The following IQCM variants were observed in gnomAD, a reference collection of about 807,000 sequenced individuals.
IQCM encodes the protein IQ motif containing M.
In IQCM, 45 loss-of-function variants were observed where a neutral mutation model predicts 57.6. That is an observed-to-expected ratio of 0.78 (90% CI 0.62 to 1.00). The LOEUF (loss-of-function observed/expected upper bound fraction) is 1.00. IQCM is among the 50% of genes least tolerant of loss of function. The probability of loss-of-function intolerance (pLI) is 0.00; values close to 1 mark genes in which losing one functional copy is unlikely to be tolerated. For missense variants in IQCM, 468 were observed against 511.6 expected, an observed-to-expected ratio of 0.91 and a Z score of 0.82; for synonymous variants, 148 against 158.9, an observed-to-expected ratio of 0.93 and a Z score of 0.51.
chr4:149,655,484 C>A (rs1261904228), intron 7 of IQCM, among the ~76,000 whole-genome samples: 10 of 151,950 alleles, frequency 6.6e-5, no homozygotes, highest in African/African-American at 2.4e-4. Context: ...GAAGATCAGG[C>A]AAGATGTGTT....
At chr4:149,699,330 A>C (rs1763581387) in intron 5 of IQCM, among the ~76,000 whole-genome samples, 1 of 152,106 alleles carries the variant, frequency 6.6e-6, no homozygotes, top group Non-Finnish European at 1.5e-5. Context: ...AATACCAATT[A>C]TCTACTAGTG....
intron 3 of IQCM, among the ~76,000 whole-genome samples, chr4:149,735,826 A>T (rs999691572): frequency 1.3e-5 from 2 of 152,202 alleles, no homozygotes; most frequent in African/African-American, 4.8e-5. Context: ...TTACCTTCCA[A>T]CTTGTTGATA....
intron 12 of IQCM, among the ~76,000 whole-genome samples, chr4:149,529,374 C>T (rs966420049): frequency 1.3e-5 from 2 of 152,172 alleles, no homozygotes; most frequent in Admixed American, 1.3e-4. Context: ...CAGAAGAATA[C>T]GTTTTAAAAG....
At chr4:149,377,146 G>A (rs924198366) in intron 13 of IQCM, among the ~76,000 whole-genome samples, 1 of 151,818 alleles carries the variant, frequency 6.6e-6, no homozygotes, top group African/African-American at 2.4e-5. Flanking sequence ...TCCATCTAAC[G>A]AAAAAGTATA....
chr4:149,440,638 G>C (rs1383747908), intron 12 of IQCM, among the ~76,000 whole-genome samples: 1 of 151,986 alleles, frequency 6.6e-6, no homozygotes, highest in Non-Finnish European at 1.5e-5. Context: ...CCTCTTTCTA[G>C]ATTCAAGAGG....
intron 2 of IQCM, among the ~76,000 whole-genome samples, chr4:149,811,838 C>G (rs183314393): frequency 6.6e-6 from 1 of 152,296 alleles, no homozygotes; most frequent in Non-Finnish European, 1.5e-5. Context: ...GATTAACAGA[C>G]TACTTAACCC....
At chr4:149,675,092 G>T (rs993990705) in intron 7 of IQCM, among the ~76,000 whole-genome samples, 10 of 152,032 alleles carry the variant, frequency 6.6e-5, no homozygotes, top group African/African-American at 2.4e-4. Flanking sequence ...AAAATCATGG[G>T]AGGAAAAGAG....
At chr4:149,497,547 A>C (rs1200107358) in intron 12 of IQCM, among the ~76,000 whole-genome samples, 1 of 152,090 alleles carries the variant, frequency 6.6e-6, no homozygotes, top group African/African-American at 2.4e-5. Flanking sequence ...AAACCATCAG[A>C]TCTCATAAAA....
At chr4:149,590,925 T>C (rs1753098578) in intron 8 of IQCM, among the ~76,000 whole-genome samples, 1 of 152,104 alleles carries the variant, frequency 6.6e-6, no homozygotes, top group African/African-American at 2.4e-5. Context: ...TGTGCATGTG[T>C]CTTTACAGTA....
intron 2 of IQCM, among the ~76,000 whole-genome samples, chr4:149,788,012 A>G (rs1772225208): frequency 6.6e-6 from 1 of 152,232 alleles, no homozygotes; most frequent in Non-Finnish European, 1.5e-5. Flanking sequence ...AAAGTTGGCA[A>G]AGGACGTGAA....
intron 13 of IQCM, among the ~76,000 whole-genome samples, chr4:149,370,052 C>A (rs72953662): frequency 3.3e-5 from 5 of 152,012 alleles, no homozygotes; most frequent in Admixed American, 1.3e-4. Flanking sequence ...GGGGCCACCA[C>A]GTCTGGCAAT....
chr4:149,672,796 G>T (rs370644855), intron 7 of IQCM, among the ~76,000 whole-genome samples: 3 of 151,998 alleles, frequency 2.0e-5, no homozygotes, highest in South Asian at 2.1e-4. Flanking sequence ...GATACTCCTC[G>T]AGAAGAGCAA....
Position 149,565,267 on chromosome 4 carries a change from C to A in IQCM, c.750-1377G>T, listed in dbSNP as rs1017724855. Among the ~76,000 whole-genome samples the A allele has an allele frequency of 3.3e-5, 5 of 152,126 alleles. No individual in the cohort carries two copies. The East Asian group carries it at 9.7e-4, about 29-fold the overall frequency. On this transcript the variant is annotated intron_variant, in intron 9 of 13. Coordinates refer to ENST00000636793, the MANE Select transcript of IQCM (RefSeq NM_001363507.2). ...CATTCACTCTGTTTTTGCATATTTT[C>A]TTAGTCTGTTTTATTTAATTTTTAT...
chr4:149,757,741 ATGTGTG>A (rs3085133), intron 2 of IQCM, among the ~76,000 whole-genome samples: 2 of 150,400 alleles, frequency 1.3e-5, no homozygotes, highest in African/African-American at 4.9e-5. Context: ...GATATTATAT[ATGTGTG>A]TGTGTGTGTG....
chr4:149,651,166 A>C (rs1349104085), intron 7 of IQCM, among the ~76,000 whole-genome samples: 1 of 152,190 alleles, frequency 6.6e-6, no homozygotes, highest in Non-Finnish European at 1.5e-5. Context: ...CTGAGACAAC[A>C]GAAAATTGCT....
rs145816274 is a variant in IQCM, at chr4:149,729,068, T to G, written c.385+4176A>C. On this transcript the variant is annotated intron_variant, in intron 5 of 13. Coordinates refer to ENST00000636793, the MANE Select transcript of IQCM (RefSeq NM_001363507.2). The stretch of plus-strand genomic sequence containing the variant: ...GTGAAAGGGAAGAAAGTAAACATAA[T>G]AGTCACCAGTCCAAAGATGTTATAG... Among the ~76,000 whole-genome samples the G allele has an allele frequency of 8.8e-3, 1,340 of 152,276 alleles. 11 individuals carry two copies. Among genetic ancestry groups the G allele is most frequent in the Middle Eastern group, 0.048 (14 of 294 alleles).
chr4:149,539,187 TGTGGC>T (rs1436982616), intron 12 of IQCM, among the ~76,000 whole-genome samples: 9 of 152,176 alleles, frequency 5.9e-5, no homozygotes, highest in African/African-American at 2.2e-4. Flanking sequence ...ATAAACAAAA[TGTGGC>T]ATATTTATAC....
intron 5 of IQCM, among the ~76,000 whole-genome samples, chr4:149,711,814 T>C (rs1050491219): frequency 6.6e-6 from 1 of 152,316 alleles, no homozygotes; most frequent in African/African-American, 2.4e-5. Context: ...TACCATCAAC[T>C]CAGTCACATT....
chr4:149,387,198 T>C (rs1181903915), intron 13 of IQCM, among the ~76,000 whole-genome samples: 6 of 152,028 alleles, frequency 3.9e-5, no homozygotes, highest in Non-Finnish European at 8.8e-5. Flanking sequence ...AGATGACACC[T>C]TCTAGCTGAG....
Sources: allele counts gnomAD v4.1 joint callset (sites outside exome capture counted in the v4.1 genomes callset), GRCh38; gene constraint gnomAD v4.1.1; transcripts MANE v1.5; gene names NCBI Gene and HGNC (gene_info 2026-07-23, HGNC 2026-07-21).